Variants in TERF1 observed in about 807,000 individuals in gnomAD.
The protein encoded by TERF1 is telomeric repeat binding factor 1, also known as telomeric repeat-binding factor 1.
Under a neutral mutation model 55.1 loss-of-function variants are expected in TERF1, and 20 were observed. The observed-to-expected ratio is 0.36, with a 90% CI of 0.26 to 0.53. TERF1 has a LOEUF of 0.53. Ranked by LOEUF, TERF1 falls within the 20% of genes least tolerant of loss-of-function variation. The probability of loss-of-function intolerance (pLI) is 0.91; values close to 1 mark genes in which losing one functional copy is unlikely to be tolerated. For synonymous variants in TERF1, 168 were observed against 181.2 expected (o/e 0.93, Z 0.59); for missense variants, 439 against 535.7 (o/e 0.82, Z 1.78).
intron 9 of TERF1, among the ~76,000 whole-genome samples, chr8:73,041,100 G>C (rs1441785361): frequency 6.6e-6 from 1 of 152,068 alleles, no homozygotes; most frequent in South Asian, 2.1e-4. Flanking sequence ...CTTGAGTGTG[G>C]TCCTGGTGCT....
intron 8 of TERF1, among the ~76,000 whole-genome samples, chr8:73,037,766 T>TATA (rs1366937861): frequency 7.6e-5 from 4 of 52,946 alleles, no homozygotes; most frequent in South Asian, 4.2e-4. Flanking sequence ...TATTATATAG[T>TATA]ATAATATATA....
rs35184446 is a variant in TERF1, at chr8:73,039,770, GGTGTGTGTGTGTGT to G, written c.1143+584_1143+597del. Among the ~76,000 whole-genome samples the G allele has an allele frequency of 8.0e-4, 109 of 136,452 alleles. 1 individual carries two copies. The highest frequency in any genetic ancestry group is 3.9e-3 in the Admixed American group (52 of 13,198). The allele number at this position is 136,452 out of a possible 152,430, so 89.5% of individuals were successfully genotyped here. A position where few individuals can be genotyped will look rare whatever the true frequency, so the allele number is the denominator to read the frequency against. On this transcript the variant is annotated intron_variant, in intron 9 of 9. Transcript: ENST00000276603. ...GGATAAATCTGGTCTTTGTTTTTGTGGTGTGTGTGTGTGTGTGTGTGTGTGTGTGTGTGTGTGTG... is the reference window on the plus strand; with the variant it reads ...GGATAAATCTGGTCTTTGTTTTTGTGGTGTGTGTGTGTGTGTGTGTGTGTG...
intron 9 of TERF1, among the ~76,000 whole-genome samples, chr8:73,039,689 G>A (rs999412601): frequency 1.3e-5 from 2 of 151,932 alleles, no homozygotes; most frequent in African/African-American, 4.8e-5. Context: ...CATCTGTCCA[G>A]TGTCTGAAAC....
chr8:73,015,975 G>A (rs1808485432), intron 2 of TERF1, among the ~76,000 whole-genome samples: 1 of 151,942 alleles, frequency 6.6e-6, no homozygotes, highest in South Asian at 2.1e-4. Context: ...TGTTAGTAAG[G>A]CCAGGCACAT....
chr8:73,032,194 C>A, intron 8 of TERF1, 61 bp downstream of exon 8: 1 of 1,239,794 alleles, frequency 8.1e-7, no homozygotes, highest in Non-Finnish European at 1.1e-6. Context: ...ACAATCCAGC[C>A]ATTGACTTTA....
In TERF1 at chr8:73,013,901, T is replaced by C; in HGVS notation, c.326T>C (p.Ile109Thr). The change falls in exon 2 of 10, where the codon ATT becomes ACT. Residue 109 changes from isoleucine to threonine, a missense_variant. By Grantham distance (89) the Ile-to-Thr change is moderately conservative (BLOSUM62 -1). Transcript: ENST00000276603. ...RRTRNSAEAI[I>T]HGLSSLTACQ... Reference sequence around the variant, plus strand: ...TACTTTTTTTCTTTTTTAGCTATTATTCATGGACTATCCAGTCTAACAGCT... The same window carrying C: ...TACTTTTTTTCTTTTTTAGCTATTACTCATGGACTATCCAGTCTAACAGCT... 1 of 1,605,242 alleles carries C rather than the reference T, an allele frequency of 6.2e-7. No individual in the cohort carries two copies. Among genetic ancestry groups the C allele is most frequent in the South Asian group, 1.1e-5 (1 of 89,520 alleles).
At chr8:73,032,198 G>A (rs921587318) in intron 8 of TERF1, 65 bp downstream of exon 8, 1 of 1,191,690 alleles carries the variant, frequency 8.4e-7, no homozygotes, top group Non-Finnish European at 1.2e-6. Flanking sequence ...TCCAGCCATT[G>A]ACTTTACCAC....
At chr8:73,040,740 T>C (rs995440750) in intron 9 of TERF1, among the ~76,000 whole-genome samples, 1 of 152,228 alleles carries the variant, frequency 6.6e-6, no homozygotes. Flanking sequence ...TTCCAAATGT[T>C]ACACCTTTTA....
chr8:73,041,453 T>G (rs12334407), intron 9 of TERF1, among the ~76,000 whole-genome samples: 102,869 of 151,932 alleles, frequency 0.68, 35,548 homozygotes, highest in Middle Eastern at 0.77. Flanking sequence ...CTGTGCATAG[T>G]TCTCCTTCTT....
At chr8:73,009,490 C>T in intron 1 of TERF1, 1 of 389,272 alleles carries the variant, frequency 2.6e-6, no homozygotes, top group Non-Finnish European at 4.6e-6. Context: ...TTCCACTCAA[C>T]CCAGTACCTT....
chr8:73,034,058 C>CCT (rs1212598458), intron 8 of TERF1, among the ~76,000 whole-genome samples: 8 of 152,082 alleles, frequency 5.3e-5, no homozygotes, highest in African/African-American at 1.7e-4. Context: ...CTCAGTTGAT[C>CCT]CTCCCACCTC....
intron 1 of TERF1, 92 bp from the exon 2 acceptor site, chr8:73,013,803 A>G (rs958220278): frequency 1.0e-5 from 7 of 680,608 alleles, no homozygotes; most frequent in African/African-American, 9.2e-5. Flanking sequence ...TAATTTTTAC[A>G]ATATGTTTGT....
chr8:73,020,831 A>AG lies in TERF1; in HGVS notation c.537+26_537+27insG, dbSNP rs1586037536. The stretch of plus-strand genomic sequence containing the variant: ...GTATGAATAAATTACTTTTATGCTT[A>AG]TTATATTTCTAGAAAATAACATTTA... On this transcript the variant is annotated intron_variant, in intron 3 of 9. Coordinates refer to ENST00000276603, the MANE Select transcript of TERF1 (RefSeq NM_017489.3). The AG allele has an allele frequency of 3.4e-6, 4 of 1,188,362 alleles. No individual in the cohort carries two copies. In the East Asian group the frequency reaches 1.0e-4, roughly 31 times the overall value. 73.6% of individuals were successfully genotyped at this position (1,188,362 alleles called of 1,614,324 possible). A position where few individuals can be genotyped will look rare whatever the true frequency, so the allele number is the denominator to read the frequency against.
chr8:73,012,886 T>A (rs774050828), intron 1 of TERF1: 1 of 455,956 alleles, frequency 2.2e-6, no homozygotes, highest in Non-Finnish European at 4.4e-6. Flanking sequence ...AGAGACTGGC[T>A]ATCTGAAGTC....
At position 73,020,673 on chromosome 8, in the gene TERF1, G is replaced by T; in HGVS notation, c.416-11G>T. The T allele has an allele frequency of 6.3e-7, 1 of 1,581,688 alleles. No individual in the cohort carries two copies. The highest frequency in any genetic ancestry group is 1.9e-5 in the Admixed American group (1 of 52,310). On this transcript the variant is annotated splice_polypyrimidine_tract_variant and intron_variant, in intron 2 of 9. Transcript: ENST00000276603. ...TTTCTGAGTTACTTATTTTTGTTCT[G>T]TTTTTAAAAGATGCACAGTTTGAAA...
intron 8 of TERF1, among the ~76,000 whole-genome samples, chr8:73,034,157 G>A (rs1348483714): frequency 6.6e-6 from 1 of 151,710 alleles, no homozygotes; most frequent in Non-Finnish European, 1.5e-5. Context: ...TTTGAGATGG[G>A]GTCTTGCACT....
intron 6 of TERF1, among the ~76,000 whole-genome samples, chr8:73,028,484 C>T (rs56128728): frequency 0.025 from 3,838 of 152,020 alleles, 178 homozygotes; most frequent in African/African-American, 0.087. Flanking sequence ...CTTTAGATCA[C>T]TCCCAGCTTA....
chr8:73,017,795 C>T (rs1301625896), intron 2 of TERF1, among the ~76,000 whole-genome samples: 1 of 151,868 alleles, frequency 6.6e-6, no homozygotes, highest in East Asian at 1.9e-4. Context: ...CTCCGCCTCC[C>T]GGGTTCAAGC....
At chr8:73,011,714 C>T (rs1328914375) in intron 1 of TERF1, 1 of 152,394 alleles carries the variant, frequency 6.6e-6, no homozygotes, top group Non-Finnish European at 1.5e-5. Context: ...GAACCAACAA[C>T]CTCTGCTAGC....
Sources: gnomAD v4.1 joint callset for allele counts (sites outside exome capture counted in the v4.1 genomes callset) on GRCh38, gnomAD v4.1.1 for gene constraint, MANE v1.5 for transcripts, NCBI Gene and HGNC (gene_info 2026-07-23, HGNC 2026-07-21) for gene names.